Variants in ZRANB3 observed in about 807,000 individuals in gnomAD.
The protein encoded by ZRANB3 is DNA annealing helicase and endonuclease ZRANB3.
In ZRANB3, 125 loss-of-function variants were observed where a neutral mutation model predicts 133.8. That is an observed-to-expected ratio of 0.93 (90% CI 0.81 to 1.08). The LOEUF is 1.08. Among genes scored for constraint, ZRANB3 ranks in the 50% least tolerant of loss-of-function variants. The pLI is 0.00. For missense variants in ZRANB3, 1,229 were observed against 1,275.5 expected (o/e 0.96, Z 0.56); for synonymous variants, 387 against 432.7 (o/e 0.89, Z 1.31).
chr2:135,496,308 C>T (rs1396683391), intron 2 of ZRANB3, among the ~76,000 whole-genome samples: 1 of 142,380 alleles, frequency 7.0e-6, no homozygotes, highest in African/African-American at 2.6e-5. Context: ...CGCTTGAACA[C>T]AGGAGGCAGA....
chr2:135,228,669 G>A (rs1478887582), intron 13 of ZRANB3, among the ~76,000 whole-genome samples: 1 of 152,128 alleles, frequency 6.6e-6, no homozygotes, highest in Non-Finnish European at 1.5e-5. Context: ...TTGAGTGTGG[G>A]AGGCGAGAAA....
chr2:135,298,339 G>T (rs1204249695), intron 8 of ZRANB3, among the ~76,000 whole-genome samples: 4 of 152,130 alleles, frequency 2.6e-5, no homozygotes, highest in African/African-American at 7.2e-5. Context: ...TTTCTTCTTG[G>T]TTTTGATCCA....
intron 2 of ZRANB3, among the ~76,000 whole-genome samples, chr2:135,457,284 C>A (rs752469105): frequency 1.3e-5 from 2 of 152,130 alleles, no homozygotes; most frequent in Non-Finnish European, 2.9e-5. Context: ...GTTTTTGTCA[C>A]CATATATTCT....
At chr2:135,477,839 A>G (rs1691569881) in intron 2 of ZRANB3, among the ~76,000 whole-genome samples, 1 of 151,998 alleles carries the variant, frequency 6.6e-6, no homozygotes, top group African/African-American at 2.4e-5. Context: ...ACAAAAAATT[A>G]TTAGCCAGGT....
intron 2 of ZRANB3, among the ~76,000 whole-genome samples, chr2:135,442,935 T>C (rs1336543820): frequency 6.6e-6 from 1 of 151,720 alleles, no homozygotes; most frequent in Non-Finnish European, 1.5e-5. Flanking sequence ...GCTAACATGG[T>C]GAAACCCCAT....
At chr2:135,468,503 A>G (rs946114328) in intron 2 of ZRANB3, among the ~76,000 whole-genome samples, 5 of 152,210 alleles carry the variant, frequency 3.3e-5, no homozygotes, top group African/African-American at 1.2e-4. Context: ...AAATTTATGT[A>G]TGCTCTGCAG....
At chr2:135,222,444 A>G (rs1182607802) in intron 15 of ZRANB3, among the ~76,000 whole-genome samples, 3 of 152,088 alleles carry the variant, frequency 2.0e-5, no homozygotes, top group Non-Finnish European at 4.4e-5. Context: ...ACCAAATAAA[A>G]GTATTCATAA....
intron 12 of ZRANB3, among the ~76,000 whole-genome samples, chr2:135,247,537 C>T (rs892323926): frequency 1.9e-4 from 29 of 151,860 alleles, no homozygotes; most frequent in Admixed American, 9.8e-4. Flanking sequence ...AAAAAGAAAA[C>T]GTTATTACTT....
rs190916967 is a variant in ZRANB3 at position 135,350,304 on chromosome 2, A to T, written c.360-89T>A. 244 of 869,446 alleles carry T rather than the reference A, an allele frequency of 2.8e-4. No homozygotes were observed. In the African/African-American group the frequency reaches 3.7e-3, roughly 13 times the overall value. 53.9% of individuals were successfully genotyped at this position (869,446 alleles called of 1,614,324 possible). ...ACTCTCTTGGGAAAAAATACAGAGG[A>T]GAAGAAAGAAGAATAGAGGAAAAAT... On this transcript the variant is annotated intron_variant, in intron 4 of 20. Transcript: ENST00000264159.
At chr2:135,349,265 G>A (rs911777285) in intron 5 of ZRANB3, among the ~76,000 whole-genome samples, 7 of 152,130 alleles carry the variant, frequency 4.6e-5, no homozygotes, top group Admixed American at 2.0e-4. Flanking sequence ...ATAGGGTGAG[G>A]AACTTTCAAA....
At chr2:135,204,734 A>AATATATATTTATATTATATATTTATAT (rs1693786654) in intron 19 of ZRANB3, among the ~76,000 whole-genome samples, 1 of 146,020 alleles carries the variant, frequency 6.8e-6, no homozygotes, top group African/African-American at 2.5e-5. Context: ...TATTATTATA[A>AATATATATTTATATTATATATTTATAT]ATATATATTT....
At chr2:135,221,152 C>T (rs1342216516) in intron 15 of ZRANB3, among the ~76,000 whole-genome samples, 3 of 152,090 alleles carry the variant, frequency 2.0e-5, no homozygotes. Context: ...CCACTGTGCC[C>T]AGCCTTACTT....
In ZRANB3 at chr2:135,230,946, AGTTATC is replaced by A. The variant is rs758060556; in HGVS notation, c.1540-25_1540-20del. The A allele has an allele frequency of 2.9e-5, 44 of 1,521,414 alleles. No individual in the cohort carries two copies. The East Asian group carries it at 1.0e-3, about 35-fold the overall frequency. The allele number at this position is 1,521,414 out of a possible 1,614,324, so 94.2% of individuals were successfully genotyped here. A position where few individuals can be genotyped will look rare whatever the true frequency, so the allele number is the denominator to read the frequency against. On this transcript the variant is annotated intron_variant, in intron 12 of 20. Coordinates refer to ENST00000264159, the MANE Select transcript of ZRANB3 (RefSeq NM_032143.4). ...TTTCGAACTAGGAAAAGCAAACAGTAGTTATCAAAGTAAGAAGCAATCTAATATGTT... is the reference window on the plus strand; with the variant it reads ...TTTCGAACTAGGAAAAGCAAACAGTAAAAGTAAGAAGCAATCTAATATGTT...
In ZRANB3 at chr2:135,265,690, C is replaced by T; in HGVS notation, c.1387-4G>A. The T allele has an allele frequency of 6.2e-7, 1 of 1,607,988 alleles. No homozygotes were observed. Among genetic ancestry groups the T allele is most frequent in the Non-Finnish European group, 8.5e-7 (1 of 1,177,658 alleles). On this transcript the variant is annotated splice_region_variant and splice_polypyrimidine_tract_variant and intron_variant, in intron 11 of 20. Transcript: ENST00000264159. Reference sequence around the variant, plus strand: ...GTGTGCTCCCTGTAACTTGAGCCTACAAGAGGAAAAAGTAAATGAATTTTT... The same window carrying T: ...GTGTGCTCCCTGTAACTTGAGCCTATAAGAGGAAAAAGTAAATGAATTTTT...
intron 6 of ZRANB3, among the ~76,000 whole-genome samples, chr2:135,327,670 G>A (rs1683902109): frequency 6.6e-6 from 1 of 152,136 alleles, no homozygotes; most frequent in South Asian, 2.1e-4. Context: ...GTTTAGTTAT[G>A]TGATTTGACA....
At chr2:135,299,129 G>A (rs144479369) in intron 8 of ZRANB3, among the ~76,000 whole-genome samples, 1,812 of 152,208 alleles carry the variant, frequency 0.012, 32 homozygotes, top group African/African-American at 0.04. Flanking sequence ...CCATCAGGTC[G>A]CAGGGTTAGT....
chr2:135,448,967 AT>A (rs1221116442), intron 2 of ZRANB3, among the ~76,000 whole-genome samples: 1 of 152,254 alleles, frequency 6.6e-6, no homozygotes, highest in Non-Finnish European at 1.5e-5. Context: ...TCTGGAGATT[AT>A]GTGGGCCTAT....
chr2:135,441,870 G>T (rs891691787), intron 2 of ZRANB3, among the ~76,000 whole-genome samples: 2 of 152,120 alleles, frequency 1.3e-5, no homozygotes, highest in Non-Finnish European at 2.9e-5. Flanking sequence ...TGGAGTCAAA[G>T]AGAAACAGAG....
chr2:135,302,700 A>G (rs2104810488), intron 8 of ZRANB3, among the ~76,000 whole-genome samples: 1 of 151,940 alleles, frequency 6.6e-6, no homozygotes, highest in Non-Finnish European at 1.5e-5. Flanking sequence ...TAATTTTTGT[A>G]TTTTTAGTAG....
Sources: gnomAD v4.1 joint callset for allele counts (sites outside exome capture counted in the v4.1 genomes callset) on GRCh38, gnomAD v4.1.1 for gene constraint, MANE v1.5 for transcripts, NCBI Gene and HGNC (gene_info 2026-07-23, HGNC 2026-07-21) for gene names.